Variants in AGBL4 observed in about 807,000 individuals in gnomAD.
AGBL4 encodes AGBL carboxypeptidase 4, also known as cytosolic carboxypeptidase 6.
Under a neutral mutation model 66.4 loss-of-function variants are expected in AGBL4, and 58 were observed. The observed-to-expected ratio is 0.87, with a 90% CI of 0.71 to 1.09. The LOEUF (loss-of-function observed/expected upper bound fraction) is 1.09. Among genes scored for constraint, AGBL4 ranks in the 50% least tolerant of loss-of-function variants. The pLI, the probability that AGBL4 is intolerant of heterozygous loss-of-function variation, is 0.00. For missense variants in AGBL4, 579 were observed against 631.0 expected (o/e 0.92, Z 0.88); for synonymous variants, 234 against 222.9 (o/e 1.05, Z -0.44).
intron 5 of AGBL4, among the ~76,000 whole-genome samples, chr1:48,983,494 A>G (rs1659938223): frequency 1.3e-5 from 2 of 152,352 alleles, no homozygotes; most frequent in South Asian, 4.1e-4. Context: ...CATTTCTCAG[A>G]ATTAAATAAG....
At chr1:49,564,053 G>A (rs1039128547) in intron 3 of AGBL4, among the ~76,000 whole-genome samples, 5 of 151,946 alleles carry the variant, frequency 3.3e-5, no homozygotes, top group South Asian at 4.2e-4. Context: ...TGTATGTGTC[G>A]AGGAATTTAT....
At chr1:48,952,562 A>G (rs933495314) in intron 5 of AGBL4, among the ~76,000 whole-genome samples, 4 of 152,242 alleles carry the variant, frequency 2.6e-5, no homozygotes, top group Admixed American at 2.0e-4. Flanking sequence ...ATGAATGTTC[A>G]TATTCTCGCA....
chr1:48,743,263 A>C (rs1650214954), intron 6 of AGBL4, among the ~76,000 whole-genome samples: 1 of 152,194 alleles, frequency 6.6e-6, no homozygotes, highest in African/African-American at 2.4e-5. Context: ...AGACTGGAGC[A>C]TTTGAATCAA....
chr1:49,477,610 A>T (rs1646872216), intron 3 of AGBL4, among the ~76,000 whole-genome samples: 1 of 152,086 alleles, frequency 6.6e-6, no homozygotes, highest in Non-Finnish European at 1.5e-5. Context: ...AGGTACAAAC[A>T]AGGCCAGACT....
intron 6 of AGBL4, among the ~76,000 whole-genome samples, chr1:48,778,798 T>A (rs1645206830): frequency 6.6e-6 from 1 of 152,226 alleles, no homozygotes; most frequent in Admixed American, 6.5e-5. Flanking sequence ...TTTATTTCAC[T>A]GTGAAATAGA....
At chr1:48,695,041 T>A (rs989762542) in intron 6 of AGBL4, among the ~76,000 whole-genome samples, 4 of 152,178 alleles carry the variant, frequency 2.6e-5, no homozygotes, top group African/African-American at 9.7e-5. Context: ...GATTACACTA[T>A]GGAAGATTCA....
intron 3 of AGBL4, among the ~76,000 whole-genome samples, chr1:49,655,529 G>T (rs1020029250): frequency 1.2e-4 from 19 of 152,112 alleles, no homozygotes; most frequent in Admixed American, 1.3e-4. Context: ...CAACATACCA[G>T]AATCTCTGGG....
At chr1:49,168,634 C>T (rs1415768893) in intron 4 of AGBL4, among the ~76,000 whole-genome samples, 1 of 152,168 alleles carries the variant, frequency 6.6e-6, no homozygotes, top group Non-Finnish European at 1.5e-5. Flanking sequence ...TTAGGAATGA[C>T]CCAGCAGAGC....
At chr1:49,169,810 G>A (rs941388887) in intron 4 of AGBL4, among the ~76,000 whole-genome samples, 9 of 152,142 alleles carry the variant, frequency 5.9e-5, no homozygotes, top group African/African-American at 1.4e-4. Flanking sequence ...AAGAGGTTAG[G>A]TGAGATATTC....
chr1:49,516,008 T>C (rs1177030595), intron 3 of AGBL4, among the ~76,000 whole-genome samples: 1 of 150,586 alleles, frequency 6.6e-6, no homozygotes, highest in African/African-American at 2.4e-5. Flanking sequence ...CTGCACGTTG[T>C]GCACATGTAC....
In AGBL4 at chr1:49,537,027, A is replaced by G. The variant is rs184728710; in HGVS notation, c.282+160286T>C. ...ATCTCAAAAAAAAAAAAAAGTTGAC[A>G]GAAACATATGCCAGGCAAAGGACAC... On this transcript the variant is annotated intron_variant, in intron 3 of 13. Transcript: ENST00000371839. Among the ~76,000 whole-genome samples the G allele has an allele frequency of 5.3e-5, 8 of 152,118 alleles. No homozygotes were observed. In the East Asian group the frequency reaches 1.5e-3, roughly 29 times the overall value.
intron 3 of AGBL4, among the ~76,000 whole-genome samples, chr1:49,264,841 G>A (rs528509353): frequency 1.7e-4 from 26 of 152,176 alleles, no homozygotes; most frequent in African/African-American, 5.1e-4. Flanking sequence ...CACCACGCCC[G>A]GCCCTCCCAA....
chr1:49,971,991 C>T (rs1335253499), intron 1 of AGBL4, among the ~76,000 whole-genome samples: 1 of 132,842 alleles, frequency 7.5e-6, no homozygotes, highest in Non-Finnish European at 1.5e-5. Context: ...GGTCTCGGCT[C>T]ACTGCAAGCT....
intron 1 of AGBL4, among the ~76,000 whole-genome samples, chr1:49,934,839 A>AAC (rs1653766914): frequency 6.6e-6 from 1 of 151,550 alleles, no homozygotes. Context: ...AAAAAAAAAA[A>AAC]TAGGAGAGGG....
chr1:49,346,337 C>T (rs1029974277), intron 3 of AGBL4, among the ~76,000 whole-genome samples: 2 of 152,120 alleles, frequency 1.3e-5, no homozygotes, highest in Non-Finnish European at 2.9e-5. Context: ...TCAGAGGAAA[C>T]AAGAGGGATA....
chr1:49,915,867 G>T (rs577002626), intron 1 of AGBL4, among the ~76,000 whole-genome samples: 1 of 152,080 alleles, frequency 6.6e-6, no homozygotes, highest in Non-Finnish European at 1.5e-5. Context: ...ACACGGCCAG[G>T]TACTCCTCTG....
chr1:49,571,366 T>C (rs996519754), intron 3 of AGBL4, among the ~76,000 whole-genome samples: 1 of 152,058 alleles, frequency 6.6e-6, no homozygotes, highest in Non-Finnish European at 1.5e-5. Context: ...CTTTATTTCA[T>C]TCTTAGCTCA....
intron 1 of AGBL4, among the ~76,000 whole-genome samples, chr1:49,917,443 G>A (rs1047488860): frequency 7.2e-5 from 11 of 151,934 alleles, no homozygotes; most frequent in African/African-American, 2.2e-4. Flanking sequence ...CCTACTGTCC[G>A]ATAAAACAGA....
At chr1:48,606,352 A>G (rs1365122043) in intron 9 of AGBL4, among the ~76,000 whole-genome samples, 1 of 152,204 alleles carries the variant, frequency 6.6e-6, no homozygotes, top group Non-Finnish European at 1.5e-5. Context: ...GAGAACTAAA[A>G]TTCCTGTCTC....
Sources: gnomAD v4.1 joint callset for allele counts (sites outside exome capture counted in the v4.1 genomes callset) on GRCh38, gnomAD v4.1.1 for gene constraint, MANE v1.5 for transcripts, NCBI Gene and HGNC (gene_info 2026-07-23, HGNC 2026-07-21) for gene names.